DLG2: variants seen among roughly 807,000 people sequenced by gnomAD.
DLG2 encodes the protein disks large homolog 2.
DLG2 carries 45 observed loss-of-function variants against 132.5 expected under a neutral mutation model. The observed-to-expected ratio is 0.34, with a 90% CI of 0.27 to 0.44. DLG2 has a LOEUF of 0.44. Ranked by LOEUF, DLG2 falls within the 20% of genes least tolerant of loss-of-function variation. The pLI is 1.00. For missense variants in DLG2, 1,045 were observed against 1,196.9 expected (o/e 0.87, Z 1.87); for synonymous variants, 424 against 419.6 (o/e 1.01, Z -0.13).
chr11:84,813,265 T>G (rs1019376540), intron 6 of DLG2, among the ~76,000 whole-genome samples: 2 of 151,978 alleles, frequency 1.3e-5, no homozygotes, highest in African/African-American at 4.8e-5. Flanking sequence ...GGTAACACTA[T>G]GAGAGGTTGC....
intron 6 of DLG2, among the ~76,000 whole-genome samples, chr11:84,855,396 A>G (rs1022886432): frequency 2.0e-5 from 3 of 152,092 alleles, no homozygotes; most frequent in African/African-American, 4.8e-5. Context: ...CAGCTAAAAA[A>G]TGAAATGCCT....
At chr11:84,679,543 G>T (rs2153704732) in intron 6 of DLG2, among the ~76,000 whole-genome samples, 1 of 152,080 alleles carries the variant, frequency 6.6e-6, no homozygotes, top group South Asian at 2.1e-4. Context: ...TGTGAAGGAG[G>T]GTTACTTCAG....
At chr11:83,524,096 G>A (rs1016763555) in intron 21 of DLG2, among the ~76,000 whole-genome samples, 1 of 152,148 alleles carries the variant, frequency 6.6e-6, no homozygotes, top group Non-Finnish European at 1.5e-5. Flanking sequence ...GTGCTTGTGG[G>A]TAGGGGTGGG....
intron 4 of DLG2, among the ~76,000 whole-genome samples, chr11:85,252,021 C>CA (rs1595714133): frequency 6.6e-6 from 1 of 151,988 alleles, no homozygotes; most frequent in Admixed American, 6.6e-5. Flanking sequence ...ATAGCAAGAG[C>CA]AAAAAGCCCA....
At chr11:83,714,235 G>A (rs767672459) in intron 18 of DLG2, among the ~76,000 whole-genome samples, 30 of 148,080 alleles carry the variant, frequency 2.0e-4, no homozygotes, top group Non-Finnish European at 3.3e-4. Context: ...TTCTAAAGGG[G>A]AAACAATTGA....
At chr11:84,190,487 AAAGTC>A (rs2154290388) in intron 8 of DLG2, among the ~76,000 whole-genome samples, 1 of 152,312 alleles carries the variant, frequency 6.6e-6, no homozygotes, top group South Asian at 2.1e-4. Flanking sequence ...CATGTGTTGA[AAAGTC>A]AAATCAAAGA....
intron 7 of DLG2, among the ~76,000 whole-genome samples, chr11:84,313,110 A>ATTTTTTTCT (rs1029141123): frequency 1.4e-5 from 2 of 142,244 alleles, no homozygotes; most frequent in Non-Finnish European, 3.1e-5. Flanking sequence ...CACCTGGCCA[A>ATTTTTTTCT]TTTTTTTCTT....
At chr11:85,404,625 T>C (rs1039489447) in intron 3 of DLG2, among the ~76,000 whole-genome samples, 2 of 151,960 alleles carry the variant, frequency 1.3e-5, no homozygotes, top group Non-Finnish European at 2.9e-5. Flanking sequence ...AGCACCCATT[T>C]AAAGGACAAT....
chr11:83,874,250 A>AGGAAGGAAGGAGAGAG (rs2064140474), intron 16 of DLG2, among the ~76,000 whole-genome samples, 170 bp downstream of exon 16: 1 of 146,662 alleles, frequency 6.8e-6, no homozygotes, highest in African/African-American at 2.5e-5. Flanking sequence ...AAAGAAGGGA[A>AGGAAGGAAGGAGAGAG]GGAAGGAAGG....
At chr11:84,150,624 C>A (rs1161058012) in intron 9 of DLG2, among the ~76,000 whole-genome samples, 5 of 152,036 alleles carry the variant, frequency 3.3e-5, no homozygotes, top group Non-Finnish European at 5.9e-5. Context: ...TTGCTTGATT[C>A]TTTTGGCTAG....
chr11:83,805,783 C>A (rs2045741416), intron 17 of DLG2, among the ~76,000 whole-genome samples: 2 of 152,124 alleles, frequency 1.3e-5, no homozygotes, highest in South Asian at 4.1e-4. Context: ...TTTACCACAA[C>A]CCTCTCTAGT....
chr11:85,180,467 G>T (rs939524728), intron 4 of DLG2, among the ~76,000 whole-genome samples: 2 of 151,764 alleles, frequency 1.3e-5, no homozygotes, highest in Admixed American at 6.6e-5. Flanking sequence ...CAACGATGTT[G>T]TGTTATCTTA....
At chr11:84,890,686 T>G (rs1349985136) in intron 6 of DLG2, 2 of 149,538 alleles carry the variant, frequency 1.3e-5, no homozygotes, top group African/African-American at 2.5e-5. Context: ...TCTTGACAGA[T>G]CACCCCTAGC....
rs539354244 is a variant in DLG2, at chr11:83,506,852, G to C, written c.2194-22624C>G. 2.0e-4 allele frequency among the ~76,000 whole-genome samples: 31 copies of C among 152,280 alleles called. 1 individual carries two copies. In the South Asian group the frequency reaches 6.2e-3, roughly 31 times the overall value. ...AACCATAGACATCTGATGAGACTGT[G>C]CATGCACCTTTCATTGCAGGTCAGC... is the stretch of plus-strand genomic sequence containing the variant. On this transcript the variant is annotated intron_variant, in intron 21 of 27. Coordinates refer to ENST00000376104, the MANE Select transcript of DLG2 (RefSeq NM_001142699.3).
At chr11:85,511,604 A>C (rs1386066061) in intron 3 of DLG2, among the ~76,000 whole-genome samples, 1 of 152,036 alleles carries the variant, frequency 6.6e-6, no homozygotes. Flanking sequence ...ATGCAATACA[A>C]GGGACTATGC....
chr11:84,556,317 C>T (rs112978736), intron 6 of DLG2, among the ~76,000 whole-genome samples: 29 of 152,146 alleles, frequency 1.9e-4, no homozygotes, highest in Middle Eastern at 3.4e-3. Flanking sequence ...AAAATGCACC[C>T]CCAGTTATTT....
chr11:84,373,460 C>T (rs1335294644), intron 7 of DLG2, among the ~76,000 whole-genome samples: 1 of 151,824 alleles, frequency 6.6e-6, no homozygotes, highest in Non-Finnish European at 1.5e-5. Context: ...ATCCCAGCTA[C>T]TCAGGAGGCT....
chr11:85,564,009 C>T (rs548152054), intron 3 of DLG2, among the ~76,000 whole-genome samples: 4 of 151,982 alleles, frequency 2.6e-5, no homozygotes, highest in South Asian at 4.1e-4. Context: ...TAGTATCTCA[C>T]TGTGGTTTTA....
intron 6 of DLG2, among the ~76,000 whole-genome samples, chr11:84,773,649 C>T (rs535660030): frequency 4.7e-4 from 72 of 152,132 alleles, no homozygotes; most frequent in African/African-American, 1.7e-3. Context: ...ATACGAAAAT[C>T]AATAAATGTG....
Sources: gnomAD v4.1 joint callset for allele counts (sites outside exome capture counted in the v4.1 genomes callset) on GRCh38, gnomAD v4.1.1 for gene constraint, MANE v1.5 for transcripts, NCBI Gene and HGNC (gene_info 2026-07-23, HGNC 2026-07-21) for gene names.